Variants in GK observed in about 807,000 individuals in gnomAD.
GK encodes glycerol kinase, also known as ATP:glycerol 3-phosphotransferase.
GK carries 9 observed loss-of-function variants against 56.4 expected under a neutral mutation model. The observed-to-expected ratio is 0.16, with a 90% CI of 0.10 to 0.28. The LOEUF is 0.28. Ranked by LOEUF, GK falls within the 10% of genes least tolerant of loss-of-function variation. GK has a pLI of 1.00. For synonymous variants in GK, 104 were observed against 144.1 expected, an observed-to-expected ratio of 0.72 and a Z score of 1.99; for missense variants, 161 against 431.4, an observed-to-expected ratio of 0.37 and a Z score of 5.55.
intron 18 of GK, among the ~76,000 whole-genome samples, chrX:30,723,349 G>C (rs778804488): frequency 0.034 from 3,643 of 107,992 alleles, 81 homozygotes; most frequent in Non-Finnish European, 0.054. Flanking sequence ...GAGCCGAGAT[G>C]GCACCACTGC....
At chrX:30,672,159 CAAAAAAAAAAAAA>C in intron 3 of GK, 2 of 21,173 alleles carry the variant, frequency 9.4e-5, no homozygotes, top group South Asian at 6.8e-3. Flanking sequence ...AACTCCATCT[CAAAAAAAAAAAAA>C]AAAAAAAAAA....
intron 1 of GK, among the ~76,000 whole-genome samples, chrX:30,663,166 C>G (rs962319009): frequency 4.5e-5 from 5 of 110,810 alleles, no homozygotes; most frequent in African/African-American, 1.3e-4. Context: ...TCAGCCACCG[C>G]GCCCGGCCAA....
At chrX:30,654,027 G>C (rs377436359) in intron 1 of GK, among the ~76,000 whole-genome samples, 1 of 112,586 alleles carries the variant, frequency 8.9e-6, no homozygotes, top group Non-Finnish European at 1.9e-5. Context: ...TGGGGGGAAA[G>C]CTGTGTCACG....
chrX:30,680,394 T>C (rs1817798228), intron 4 of GK, among the ~76,000 whole-genome samples: 1 of 112,043 alleles, frequency 8.9e-6, no homozygotes, highest in Admixed American at 9.5e-5. Flanking sequence ...ATGAACACTC[T>C]CCAACCTTAA....
intron 11 of GK, among the ~76,000 whole-genome samples, chrX:30,704,214 CT>C (rs1303837464): frequency 9.8e-6 from 1 of 102,352 alleles, no homozygotes; most frequent in African/African-American, 3.8e-5. Context: ...ATACTGCAAC[CT>C]TGACCTCCTG....
Position 30,673,368 on chromosome X carries a change from T to G in GK, c.260-4007T>G, listed in dbSNP as rs1350785340. On this transcript the variant is annotated intron_variant, in intron 3 of 20. Coordinates refer to ENST00000427190, the MANE Select transcript of GK (RefSeq NM_001205019.2). ...GGAGTGGAGAATTATAAAACCTGAATGTGTTATTCCAAGAAAGAAGGAATT... is the reference window on the plus strand; with the variant it reads ...GGAGTGGAGAATTATAAAACCTGAAGGTGTTATTCCAAGAAAGAAGGAATT... Among the ~76,000 whole-genome samples, 5 of 112,236 alleles carry G rather than the reference T, an allele frequency of 4.5e-5. No individual in the cohort carries two copies. The Admixed American group carries it at 4.7e-4, about 11-fold the overall frequency.
At chrX:30,682,935 T>C (rs1251708128) in intron 4 of GK, among the ~76,000 whole-genome samples, 2 of 110,616 alleles carry the variant, frequency 1.8e-5, no homozygotes. Flanking sequence ...GCTCTCTCTT[T>C]TTATGAGGGT....
intron 1 of GK, among the ~76,000 whole-genome samples, chrX:30,660,477 G>A (rs947137651): frequency 3.6e-5 from 4 of 111,131 alleles, no homozygotes; most frequent in Non-Finnish European, 7.5e-5. Flanking sequence ...GGTGGTGGGA[G>A]TAGTAATTGT....
chrX:30,688,397 G>T (rs4077820), intron 4 of GK, among the ~76,000 whole-genome samples: 10,572 of 107,359 alleles, frequency 0.098, 613 homozygotes, highest in East Asian at 0.38. Flanking sequence ...TAAAGAATAT[G>T]CTCTTGAAAA....
chrX:30,658,121 C>G (rs1360764943), intron 1 of GK, among the ~76,000 whole-genome samples: 1 of 111,304 alleles, frequency 9.0e-6, no homozygotes. Flanking sequence ...TTCCCTTGGC[C>G]CCAGCTGTCC....
At chrX:30,660,527 A>G (rs1932669643) in intron 1 of GK, among the ~76,000 whole-genome samples, 1 of 111,371 alleles carries the variant, frequency 9.0e-6, no homozygotes, top group Non-Finnish European at 1.9e-5. Flanking sequence ...TAGTAGCAAC[A>G]ATGATAGTGT....
At chrX:30,722,459 A>G (rs1046308657) in intron 18 of GK, among the ~76,000 whole-genome samples, 3 of 112,361 alleles carry the variant, frequency 2.7e-5, no homozygotes, top group Non-Finnish European at 3.8e-5. Flanking sequence ...CAAGAGAGCC[A>G]TCTCCATTCT....
chrX:30,664,173 T>TTTTATAG (rs1932916804), intron 1 of GK, among the ~76,000 whole-genome samples: 2 of 94,451 alleles, frequency 2.1e-5, no homozygotes, highest in South Asian at 4.4e-4. Context: ...TATATAGATA[T>TTTTATAG]ATATATATCT....
At chrX:30,688,048 A>G (rs760966827) in intron 4 of GK, among the ~76,000 whole-genome samples, 3 of 112,220 alleles carry the variant, frequency 2.7e-5, no homozygotes, top group East Asian at 2.8e-4. Flanking sequence ...GAGACCATCT[A>G]GTCCAGCCTC....
At chrX:30,683,167 C>T (rs1934381431) in intron 4 of GK, among the ~76,000 whole-genome samples, 1 of 110,896 alleles carries the variant, frequency 9.0e-6, no homozygotes, top group Admixed American at 9.7e-5. Flanking sequence ...TTATTTCTGT[C>T]TTACTAAATT....
At chrX:30,656,015 C>T (rs911634581) in intron 1 of GK, among the ~76,000 whole-genome samples, 1 of 111,805 alleles carries the variant, frequency 8.9e-6, no homozygotes, top group Non-Finnish European at 1.9e-5. Context: ...ATTGTCCTCT[C>T]CTTGAGAAAC....
At chrX:30,663,634 T>C (rs1207528702) in intron 1 of GK, among the ~76,000 whole-genome samples, 1 of 110,829 alleles carries the variant, frequency 9.0e-6, no homozygotes, top group Non-Finnish European at 1.9e-5. Flanking sequence ...GCTTTCATTA[T>C]GTTTATTATT....
chrX:30,680,705 T>C, intron 4 of GK, among the ~76,000 whole-genome samples: 1 of 111,777 alleles, frequency 8.9e-6, no homozygotes, highest in Non-Finnish European at 1.9e-5. Context: ...GCTTATCTCC[T>C]GGAGATATCG....
At chrX:30,688,872 C>G (rs756944661) in intron 4 of GK, among the ~76,000 whole-genome samples, 3 of 112,139 alleles carry the variant, frequency 2.7e-5, no homozygotes. Context: ...TGAAAAAACA[C>G]GGTCTAGAAT....
Sources: gnomAD v4.1 joint callset for allele counts (sites outside exome capture counted in the v4.1 genomes callset) on GRCh38, gnomAD v4.1.1 for gene constraint, MANE v1.5 for transcripts, NCBI Gene and HGNC (gene_info 2026-07-23, HGNC 2026-07-21) for gene names.